STAM2: variants seen among roughly 807,000 people sequenced by gnomAD.
STAM2 encodes signal transducing adapter molecule 2.
Under a neutral mutation model 65.6 loss-of-function variants are expected in STAM2, and 51 were observed. That is an observed-to-expected ratio of 0.78 (90% CI 0.62 to 0.98). The LOEUF (loss-of-function observed/expected upper bound fraction) is 0.98. Ranked by LOEUF, STAM2 falls within the 50% of genes least tolerant of loss-of-function variation. The pLI is 0.00. For missense variants in STAM2, 584 were observed against 617.8 expected, an observed-to-expected ratio of 0.95 and a Z score of 0.58; for synonymous variants, 198 against 208.4, an observed-to-expected ratio of 0.95 and a Z score of 0.43.
chr2:152,173,908 T>C (rs1313931649), intron 1 of STAM2, among the ~76,000 whole-genome samples: 1 of 152,200 alleles, frequency 6.6e-6, no homozygotes, highest in Non-Finnish European at 1.5e-5. Context: ...CTGAATTCAG[T>C]CATGCTTAAG....
chr2:152,137,091 T>C (rs984484081), intron 7 of STAM2, among the ~76,000 whole-genome samples: 2 of 152,072 alleles, frequency 1.3e-5, no homozygotes, highest in Admixed American at 6.6e-5. Flanking sequence ...GGTTTTGTCA[T>C]GTTGGCCAGG....
chr2:152,126,165 T>C, intron 12 of STAM2, 61 bp downstream of exon 12: 6 of 1,396,454 alleles, frequency 4.3e-6, no homozygotes, highest in South Asian at 1.5e-5. Context: ...CTATAAAACA[T>C]TTTCTTTTAC....
At chr2:152,154,446 T>G (rs1244422103) in intron 1 of STAM2, among the ~76,000 whole-genome samples, 1 of 152,158 alleles carries the variant, frequency 6.6e-6, no homozygotes, top group African/African-American at 2.4e-5. Flanking sequence ...TAAAACCCTG[T>G]CTCTACAAAA....
At chr2:152,161,867 G>T (rs1689684791) in intron 1 of STAM2, among the ~76,000 whole-genome samples, 1 of 151,652 alleles carries the variant, frequency 6.6e-6, no homozygotes, top group South Asian at 2.1e-4. Flanking sequence ...TAGCTGCCCA[G>T]GCTGGAGTGA....
chr2:152,121,921 G>A lies in STAM2; in HGVS notation c.1350-1119C>T, dbSNP rs185277987. ...AAATTAGCTGGGTGTGGTGGCACGC[G>A]CCTGTAGTCCCAGCTACTCAGGAGG... On this transcript the variant is annotated intron_variant, in intron 13 of 13. Coordinates refer to ENST00000263904, the MANE Select transcript of STAM2 (RefSeq NM_005843.6). Among the ~76,000 whole-genome samples the A allele has an allele frequency of 1.8e-4, 27 of 151,918 alleles. No individual in the cohort carries two copies. In the East Asian group the frequency reaches 4.6e-3, roughly 26 times the overall value.
intron 7 of STAM2, among the ~76,000 whole-genome samples, chr2:152,143,201 A>T (rs1338028903): frequency 6.6e-6 from 1 of 152,216 alleles, no homozygotes; most frequent in Non-Finnish European, 1.5e-5. Flanking sequence ...AAATACTAGA[A>T]ATATATTAGA....
In STAM2 at chr2:152,119,061, G is replaced by A. The variant is rs1389745765; in HGVS notation, c.*1513C>T. The A allele has an allele frequency of 2.6e-5, 4 of 152,106 alleles. No homozygotes were observed. Among genetic ancestry groups the A allele is most frequent in the Non-Finnish European group, 2.9e-5 (2 of 67,992 alleles). 9.4% of individuals were successfully genotyped at this position (152,106 alleles called of 1,614,324 possible). On this transcript the variant is annotated 3_prime_UTR_variant, in exon 14 of 14. Transcript: ENST00000263904. The stretch of plus-strand genomic sequence containing the variant: ...AGAGAACTAGCTTGAAATGGATTTA[G>A]TAGAAAGAATGACTGCTTCCTTTAA...
In STAM2 at chr2:152,128,019, T is replaced by C. The variant is rs561931349; in HGVS notation, c.1026-1640A>G. ...TGAGTCCTATCAAGATTTGTCACTTTTCCTCTACTAGAGTCTGTTATGTCT... is the reference window on the plus strand; with the variant it reads ...TGAGTCCTATCAAGATTTGTCACTTCTCCTCTACTAGAGTCTGTTATGTCT... On this transcript the variant is annotated intron_variant, in intron 11 of 13. Transcript: ENST00000263904. Among the ~76,000 whole-genome samples the C allele has an allele frequency of 2.6e-5, 4 of 152,292 alleles. No individual in the cohort carries two copies. In the South Asian group the frequency reaches 8.3e-4, roughly 32 times the overall value.
At chr2:152,138,461 T>A (rs1689193170) in intron 7 of STAM2, among the ~76,000 whole-genome samples, 1 of 152,156 alleles carries the variant, frequency 6.6e-6, no homozygotes, top group Non-Finnish European at 1.5e-5. Context: ...CTTTATGAAC[T>A]CCTACCACTT....
In STAM2 at chr2:152,123,859, C is replaced by G. The variant is rs1299414217; in HGVS notation, c.1256G>C (p.Ser419Thr). 1 of 1,614,096 alleles carries G rather than the reference C, an allele frequency of 6.2e-7. No individual in the cohort carries two copies. Among genetic ancestry groups the G allele is most frequent in the African/African-American group, 1.3e-5 (1 of 75,018 alleles). The change falls in exon 13 of 14, where the codon AGC becomes ACC. Residue 419 changes from serine to threonine, a missense_variant. Transcript: ENST00000263904. The stretch of plus-strand genomic sequence containing the variant: ...TGGACCAATTTGATCGGGTCCTAGG[C>G]TATAGCTTTGGGCAACAGTTACTTG... ...IHQVTVAQSYSLGPDQIGPLR... is the reference protein window; with the variant it reads ...IHQVTVAQSYTLGPDQIGPLR...
intron 1 of STAM2, among the ~76,000 whole-genome samples, chr2:152,154,726 G>C (rs1465745126): frequency 6.6e-6 from 1 of 152,152 alleles, no homozygotes; most frequent in East Asian, 1.9e-4. Context: ...CTAACATTGT[G>C]ATCATACTAA....
rs1254295339 is a variant in STAM2 at position 152,119,542 on chromosome 2, C to A, written c.*1032G>T. 6.6e-6 allele frequency: 1 copy of A among 152,162 alleles called. No homozygotes were observed. Among genetic ancestry groups the A allele is most frequent in the Non-Finnish European group, 1.5e-5 (1 of 68,022 alleles). 9.4% of individuals were successfully genotyped at this position (152,162 alleles called of 1,614,324 possible). A position where few individuals can be genotyped will look rare whatever the true frequency, so the allele number is the denominator to read the frequency against. The stretch of plus-strand genomic sequence containing the variant: ...ACTAAAAACACACTTATCATCCATG[C>A]TTGGTATATCTCACAACAAATTATT... On this transcript the variant is annotated 3_prime_UTR_variant, in exon 14 of 14. Coordinates refer to ENST00000263904, the MANE Select transcript of STAM2 (RefSeq NM_005843.6).
intron 13 of STAM2, among the ~76,000 whole-genome samples, chr2:152,121,123 T>C (rs1242218005): frequency 6.6e-6 from 1 of 152,052 alleles, no homozygotes; most frequent in African/African-American, 2.4e-5. Flanking sequence ...AAATTTAAAT[T>C]AGTCCCAACT....
chr2:152,130,251 A>T (rs935850250), intron 11 of STAM2, among the ~76,000 whole-genome samples: 1 of 151,728 alleles, frequency 6.6e-6, no homozygotes, highest in Non-Finnish European at 1.5e-5. Context: ...TTTTATTTTT[A>T]TTTATTTATT....
chr2:152,130,471 T>C (rs1689039075), intron 11 of STAM2, among the ~76,000 whole-genome samples: 1 of 151,894 alleles, frequency 6.6e-6, no homozygotes, highest in Admixed American at 6.6e-5. Context: ...CAGGATGGTC[T>C]CGATCTCCTG....
At chr2:152,124,896 T>C (rs903550210) in intron 12 of STAM2, among the ~76,000 whole-genome samples, 4 of 152,234 alleles carry the variant, frequency 2.6e-5, no homozygotes, top group African/African-American at 9.6e-5. Context: ...CAACTGCTTC[T>C]AGTAGAGATA....
At chr2:152,125,107 C>T (rs1579310542) in intron 12 of STAM2, among the ~76,000 whole-genome samples, 1 of 152,102 alleles carries the variant, frequency 6.6e-6, no homozygotes, top group African/African-American at 2.4e-5. Flanking sequence ...TACAGACACA[C>T]AAAAAAGCAA....
At chr2:152,168,469 T>A (rs1171545803) in intron 1 of STAM2, among the ~76,000 whole-genome samples, 1 of 152,126 alleles carries the variant, frequency 6.6e-6, no homozygotes, top group South Asian at 2.1e-4. Context: ...CAAGGCCTAT[T>A]ACACGCAACA....
chr2:152,149,777 C>T (rs890379929), intron 2 of STAM2, among the ~76,000 whole-genome samples: 4 of 152,166 alleles, frequency 2.6e-5, no homozygotes, highest in African/African-American at 4.8e-5. Flanking sequence ...GGATTATAGG[C>T]GTGAGCCACT....
Sources: allele counts gnomAD v4.1 joint callset (sites outside exome capture counted in the v4.1 genomes callset), GRCh38; gene constraint gnomAD v4.1.1; transcripts MANE v1.5; gene names NCBI Gene and HGNC (gene_info 2026-07-23, HGNC 2026-07-21).